POLR3B: variants seen among roughly 807,000 people sequenced by gnomAD.
The protein encoded by POLR3B is DNA-directed RNA polymerase III subunit RPC2.
Under a neutral mutation model 147.4 loss-of-function variants are expected in POLR3B, and 96 were observed. The observed-to-expected ratio is 0.65, with a 90% CI of 0.55 to 0.77. POLR3B has a LOEUF of 0.77. Among genes scored for constraint, POLR3B ranks in the 30% least tolerant of loss-of-function variants. The probability of loss-of-function intolerance (pLI) is 0.00; values close to 1 mark genes in which losing one functional copy is unlikely to be tolerated. For missense variants in POLR3B, 1,036 were observed against 1,413.5 expected (o/e 0.73, Z 4.28); for synonymous variants, 461 against 485.9 (o/e 0.95, Z 0.67).
At chr12:106,436,415 G>A (rs1437264718) in intron 16 of POLR3B, among the ~76,000 whole-genome samples, 3 of 152,100 alleles carry the variant, frequency 2.0e-5, no homozygotes, top group Non-Finnish European at 4.4e-5. Context: ...CACCCATTAC[G>A]TCACTGAAAA....
intron 9 of POLR3B, among the ~76,000 whole-genome samples, chr12:106,386,010 C>G (rs2036830773): frequency 6.6e-6 from 1 of 152,052 alleles, no homozygotes; most frequent in East Asian, 1.9e-4. Flanking sequence ...CCCACAGTGC[C>G]CAATGCAGTG....
chr12:106,440,712 C>T (rs2037639001), intron 18 of POLR3B, among the ~76,000 whole-genome samples: 1 of 151,776 alleles, frequency 6.6e-6, no homozygotes, highest in Admixed American at 6.6e-5. Flanking sequence ...TCTCTATCCA[C>T]TCCTCTTTAC....
chr12:106,434,602 T>A (rs553284243), intron 16 of POLR3B, among the ~76,000 whole-genome samples: 1 of 151,782 alleles, frequency 6.6e-6, no homozygotes, highest in Non-Finnish European at 1.5e-5. Context: ...ACATGGTGTC[T>A]GGTTTGAGGG....
At chr12:106,391,075 T>G (rs2036906929) in intron 9 of POLR3B, among the ~76,000 whole-genome samples, 1 of 152,120 alleles carries the variant, frequency 6.6e-6, no homozygotes, top group South Asian at 2.1e-4. Context: ...GAAAAGATAA[T>G]CAGCCAGGGC....
intron 12 of POLR3B, among the ~76,000 whole-genome samples, chr12:106,426,222 TTGTGTGTGTG>T (rs35090518): frequency 3.7e-4 from 49 of 131,220 alleles, no homozygotes; most frequent in East Asian, 1.1e-3. Context: ...GGCCTGCAAT[TTGTGTGTGTG>T]TGTGTGTGTG....
chr12:106,453,497 G>T (rs374222819), intron 19 of POLR3B, among the ~76,000 whole-genome samples: 1 of 151,996 alleles, frequency 6.6e-6, no homozygotes, highest in Admixed American at 6.6e-5. Flanking sequence ...CTATGGAAGC[G>T]TGTGCAAGAG....
At chr12:106,493,565 T>C (rs1455915543) in intron 23 of POLR3B, among the ~76,000 whole-genome samples, 1 of 152,204 alleles carries the variant, frequency 6.6e-6, no homozygotes, top group Non-Finnish European at 1.5e-5. Context: ...TATGGTCTCT[T>C]TGTGTTAACT....
chr12:106,369,718 C>A, intron 6 of POLR3B, 35 bp downstream of exon 6: 2 of 1,295,634 alleles, frequency 1.5e-6, no homozygotes, highest in South Asian at 1.2e-5. Flanking sequence ...GCCACACTGC[C>A]TGGATTCCAG....
chr12:106,433,788 G>C lies in POLR3B; in HGVS notation c.1697G>C (p.Gly566Ala). The C allele has an allele frequency of 6.2e-7, 1 of 1,612,964 alleles. No individual in the cohort carries two copies. Among genetic ancestry groups the C allele is most frequent in the South Asian group, 1.1e-5 (1 of 91,058 alleles). ...ACATTTCGACTCATGAGAAGAGCAG[G>C]ATATATCAATGAATTTGTTTCCATC... ...VNTFRLMRRA[G>A]YINEFVSIST... Residue 566 changes from glycine (G) to alanine (A), a missense_variant, in exon 16 of 28, where the codon GGA becomes GCA. By Grantham distance (60) the Gly-to-Ala change is moderately conservative. Coordinates refer to ENST00000228347, the MANE Select transcript of POLR3B (RefSeq NM_018082.6).
At chr12:106,508,128 A>G (rs1297298034) in intron 27 of POLR3B, among the ~76,000 whole-genome samples, 1 of 152,134 alleles carries the variant, frequency 6.6e-6, no homozygotes, top group Non-Finnish European at 1.5e-5. Context: ...TACACCTTCC[A>G]TTTCAATAAA....
Position 106,509,724 on chromosome 12 carries a change from C to A in POLR3B, c.*175C>A. On this transcript the variant is annotated 3_prime_UTR_variant, in exon 28 of 28. Coordinates refer to ENST00000228347, the MANE Select transcript of POLR3B (RefSeq NM_018082.6). ...TATACTCTAAGACTGGCTAAACAACCTTGATCATTGAGCCTCGAGCCATGG... is the reference window on the plus strand; with the variant it reads ...TATACTCTAAGACTGGCTAAACAACATTGATCATTGAGCCTCGAGCCATGG... 1.7e-6 allele frequency: 1 copy of A among 577,564 alleles called. No homozygotes were observed. The highest frequency in any genetic ancestry group is 3.1e-6 in the Non-Finnish European group (1 of 324,266). 35.8% of individuals were successfully genotyped at this position (577,564 alleles called of 1,614,324 possible). A position where few individuals can be genotyped will look rare whatever the true frequency, so the allele number is the denominator to read the frequency against.
chr12:106,441,782 A>C lies in POLR3B; in HGVS notation c.1956-2681A>C, dbSNP rs914617318. ...AACTAAATTTAAGTGCTTTATACACAGTGAATAAGAAATCTCGGCTGAGTG... is the reference window on the plus strand; with the variant it reads ...AACTAAATTTAAGTGCTTTATACACCGTGAATAAGAAATCTCGGCTGAGTG... On this transcript the variant is annotated intron_variant, in intron 18 of 27. Coordinates refer to ENST00000228347, the MANE Select transcript of POLR3B (RefSeq NM_018082.6). Among the ~76,000 whole-genome samples, 7 of 152,312 alleles carry C rather than the reference A, an allele frequency of 4.6e-5. No individual in the cohort carries two copies. In the South Asian group the frequency reaches 1.2e-3, roughly 27 times the overall value.
chr12:106,369,329 T>C lies in POLR3B; in HGVS notation c.282T>C (p.Thr94=), dbSNP rs766007096. The part of the protein sequence containing the change: ...LPDVEESFNV[T]RPVSPHECRL... ...ATGTTGAAGAAAGCTTCAATGTAAC[T>C]AGACCAGTGTCCCCTCATGAGGTAA... Residue 94 remains threonine, a synonymous_variant, in exon 5 of 28, where the codon ACT becomes ACC. Coordinates refer to ENST00000228347, the MANE Select transcript of POLR3B (RefSeq NM_018082.6). 69 of 1,591,374 alleles carry C rather than the reference T, an allele frequency of 4.3e-5. No individual in the cohort carries two copies. The highest frequency in any genetic ancestry group is 4.0e-4 in the Admixed American group (24 of 60,002).
In POLR3B at chr12:106,457,270, T is replaced by G. The variant is rs1351791394; in HGVS notation, c.2426T>G (p.Leu809Ter). 6.2e-7 allele frequency: 1 copy of G among 1,613,804 alleles called. No homozygotes were observed. Among genetic ancestry groups the G allele is most frequent in the Admixed American group, 1.7e-5 (1 of 60,002 alleles). Residue 809 changes from leucine (L) to a stop codon, truncating the protein, a stop_gained, in exon 21 of 28, where the codon TTA becomes TGA. Transcript: ENST00000228347. LOFTEE classifies it high-confidence loss of function. The stretch of plus-strand genomic sequence containing the variant: ...AAACCTATCTGGCGACATGAAATCT[T>G]AGATGCAGATGGTATTTGTTCTCCA... ...TRKPIWRHEI[L>*]DADGICSPGE...
At chr12:106,490,851 C>T (rs1435560331) in intron 23 of POLR3B, among the ~76,000 whole-genome samples, 3 of 152,324 alleles carry the variant, frequency 2.0e-5, no homozygotes, top group Admixed American at 1.3e-4. Flanking sequence ...ATTCCTACTG[C>T]TTCTTTGGCC....
chr12:106,452,952 T>C (rs2037815466), intron 19 of POLR3B, among the ~76,000 whole-genome samples: 1 of 152,118 alleles, frequency 6.6e-6, no homozygotes, highest in Non-Finnish European at 1.5e-5. Flanking sequence ...TCCCTACATA[T>C]GTACTATTTC....
intron 19 of POLR3B, among the ~76,000 whole-genome samples, chr12:106,452,098 C>G (rs1029877557): frequency 6.6e-6 from 1 of 152,168 alleles, no homozygotes; most frequent in Non-Finnish European, 1.5e-5. Context: ...CAAGCCCTAT[C>G]ATTTGCTTGC....
intron 18 of POLR3B, 86 bp downstream of exon 18, chr12:106,437,865 T>C: frequency 2.6e-6 from 2 of 775,204 alleles, no homozygotes; most frequent in Non-Finnish European, 4.5e-6. Context: ...TCAGTCCTTC[T>C]ATCTTTTACT....
chr12:106,453,660 TCCACAAG>T (rs2137026959), intron 19 of POLR3B, among the ~76,000 whole-genome samples: 1 of 152,214 alleles, frequency 6.6e-6, no homozygotes, highest in African/African-American at 2.4e-5. Flanking sequence ...CAGTTCTGTG[TCCACAAG>T]CCGAGGAGAC....
Sources: allele counts gnomAD v4.1 joint callset (sites outside exome capture counted in the v4.1 genomes callset), GRCh38; gene constraint gnomAD v4.1.1; transcripts MANE v1.5; gene names NCBI Gene and HGNC (gene_info 2026-07-23, HGNC 2026-07-21).